The following PCDHAC1 variants were observed in gnomAD, a reference collection of about 807,000 sequenced individuals.
PCDHAC1 encodes protocadherin alpha-C1.
PCDHAC1 carries 42 observed loss-of-function variants against 60.0 expected under a neutral mutation model. The ratio of observed to expected loss-of-function variants is 0.70; its 90% confidence interval spans 0.55 to 0.90. PCDHAC1 has a LOEUF of 0.90. Ranked by LOEUF, PCDHAC1 falls within the 40% of genes least tolerant of loss-of-function variation. The probability of loss-of-function intolerance (pLI) is 0.00; values close to 1 mark genes in which losing one functional copy is unlikely to be tolerated. For synonymous variants in PCDHAC1, 468 were observed against 499.3 expected (o/e 0.94, Z 0.84); for missense variants, 1,160 against 1,222.3 (o/e 0.95, Z 0.76).
At chr5:140,997,849 T>C (rs1554256029) in intron 3 of PCDHAC1, among the ~76,000 whole-genome samples, 1 of 152,208 alleles carries the variant, frequency 6.6e-6, no homozygotes, top group African/African-American at 2.4e-5. Flanking sequence ...TACATTCTTA[T>C]ACATATTTCT....
At chr5:140,966,469 C>G (rs1308389710) in intron 1 of PCDHAC1, 1 of 432,506 alleles carries the variant, frequency 2.3e-6, no homozygotes, top group African/African-American at 2.0e-5. Context: ...GTCTTCCCTT[C>G]TGTTTCCTTT....
chr5:141,002,273 AC>A (rs748746747), intron 3 of PCDHAC1, among the ~76,000 whole-genome samples: 69 of 152,308 alleles, frequency 4.5e-4, no homozygotes, highest in Non-Finnish European at 9.1e-4. Flanking sequence ...AGAGCTGGTA[AC>A]AAAGGGATGA....
chr5:140,954,441 G>A (rs1411694581), intron 1 of PCDHAC1, among the ~76,000 whole-genome samples: 2 of 151,498 alleles, frequency 1.3e-5, no homozygotes, highest in Non-Finnish European at 3.0e-5. Flanking sequence ...TGTTGTTTCT[G>A]GACTTGTTAA....
chr5:140,998,066 C>T (rs1234368433), intron 3 of PCDHAC1, among the ~76,000 whole-genome samples: 2 of 152,160 alleles, frequency 1.3e-5, no homozygotes, highest in East Asian at 1.9e-4. Flanking sequence ...CATCAACAGA[C>T]TTAGCCTCTG....
At position 140,928,885 on chromosome 5, in the gene PCDHAC1, C is replaced by T; in HGVS notation, c.1993C>T (p.Pro665Ser). ...LLSNSVPQLL[P>S]DFEDVWEPGG... ...GAGCAACTCTGTCCCTCAGTTACTTCCAGACTTTGAAGATGTCTGGGAACC... is the reference window on the plus strand; with the variant it reads ...GAGCAACTCTGTCCCTCAGTTACTTTCAGACTTTGAAGATGTCTGGGAACC... The change falls in exon 1 of 4, where the codon CCA (proline) becomes TCA (serine). Residue 665 changes from proline (P) to serine (S), a missense_variant. Physicochemically the swap from Pro to Ser is moderately conservative, Grantham distance 74. This residue lies in a region of PCDHAC1 where 1,113 missense variants were observed against 1,163.7 expected (regional missense o/e 0.96). Coordinates refer to ENST00000253807, the MANE Select transcript of PCDHAC1 (RefSeq NM_018898.5). 1 of 1,614,194 alleles carries T rather than the reference C, an allele frequency of 6.2e-7. No homozygotes were observed. The highest frequency in any genetic ancestry group is 8.5e-7 in the Non-Finnish European group (1 of 1,180,038).
intron 1 of PCDHAC1, among the ~76,000 whole-genome samples, chr5:140,962,643 T>G (rs1456773642): frequency 6.6e-6 from 1 of 152,222 alleles, no homozygotes; most frequent in Non-Finnish European, 1.5e-5. Context: ...GCCATCAAGT[T>G]ATGTGAAAAC....
chr5:140,995,206 G>A (rs1179914547), intron 3 of PCDHAC1, among the ~76,000 whole-genome samples: 2 of 151,988 alleles, frequency 1.3e-5, no homozygotes, highest in African/African-American at 2.4e-5. Context: ...TATAAATTAG[G>A]CACAATACTC....
rs2098421681 is a variant in PCDHAC1, at chr5:141,011,735, A to C, written c.*1798A>C. 1 of 153,882 alleles carries C rather than the reference A, an allele frequency of 6.5e-6. No individual in the cohort carries two copies. Among genetic ancestry groups the C allele is most frequent in the South Asian group, 2.1e-4 (1 of 4,828 alleles). 9.5% of individuals were successfully genotyped at this position (153,882 alleles called of 1,614,324 possible). A position where few individuals can be genotyped will look rare whatever the true frequency, so the allele number is the denominator to read the frequency against. ...TATTCCATGAGGGTGTGCAAGCACA[A>C]ATTTTACCAATCTGACCTCTTTGAA... On this transcript the variant is annotated 3_prime_UTR_variant, in exon 4 of 4. Transcript: ENST00000253807.
Position 140,929,083 on chromosome 5 carries a change from A to G in PCDHAC1, c.2191A>G (p.Met731Val), listed in dbSNP as rs1554206659. The change falls in exon 1 of 4, where the codon ATG becomes GTG. Residue 731 changes from methionine (M) to valine (V), a missense_variant. Coordinates refer to ENST00000253807, the MANE Select transcript of PCDHAC1 (RefSeq NM_018898.5). ...AGAGGATCTGAGGTATGGAAGTAAGATGGTTTCAAATCCTTGCATGACATC... is the reference window on the plus strand; with the variant it reads ...AGAGGATCTGAGGTATGGAAGTAAGGTGGTTTCAAATCCTTGCATGACATC... Reference protein sequence around the residue: ...STEDLRYGSKMVSNPCMTSAT... With the variant: ...STEDLRYGSKVVSNPCMTSAT... The G allele has an allele frequency of 1.2e-6, 2 of 1,614,156 alleles. No individual in the cohort carries two copies. Among genetic ancestry groups the G allele is most frequent in the Admixed American group, 3.3e-5 (2 of 60,022 alleles).
At chr5:140,951,560 C>T (rs2094602519) in intron 1 of PCDHAC1, among the ~76,000 whole-genome samples, 1 of 151,998 alleles carries the variant, frequency 6.6e-6, no homozygotes. Flanking sequence ...AAGTGCTACG[C>T]ACTTTTAAAC....
At chr5:140,944,928 C>A (rs1554216614) in intron 1 of PCDHAC1, among the ~76,000 whole-genome samples, 1 of 152,074 alleles carries the variant, frequency 6.6e-6, no homozygotes, top group Non-Finnish European at 1.5e-5. Flanking sequence ...TTGGTTTATG[C>A]CTTCTTTAGA....
chr5:141,011,749 G>T lies in PCDHAC1; in HGVS notation c.*1812G>T, dbSNP rs782567787. 1.2e-4 allele frequency: 18 copies of T among 153,636 alleles called. No homozygotes were observed. Among genetic ancestry groups the T allele is most frequent in the Non-Finnish European group, 2.5e-4 (17 of 68,010 alleles). 9.5% of individuals were successfully genotyped at this position (153,636 alleles called of 1,614,324 possible). A position where few individuals can be genotyped will look rare whatever the true frequency, so the allele number is the denominator to read the frequency against. On this transcript the variant is annotated 3_prime_UTR_variant, in exon 4 of 4. Coordinates refer to ENST00000253807, the MANE Select transcript of PCDHAC1 (RefSeq NM_018898.5). ...GTGCAAGCACAAATTTTACCAATCT[G>T]ACCTCTTTGAAGTTGCAGAATGCTT...
rs782504064 is a variant in PCDHAC1, at chr5:140,926,972, C to A, written c.80C>A (p.Pro27Gln). Reference sequence around the variant, plus strand: ...GCGGGACAGCTCGAGTACTCAGTGCCGGAGGAGACGGAGCGGGGCGTAGCC... The same window carrying A: ...GCGGGACAGCTCGAGTACTCAGTGCAGGAGGAGACGGAGCGGGGCGTAGCC... ...AAAGQLEYSV[P>Q]EETERGVAVG... The change falls in exon 1 of 4, where the codon CCG (proline) becomes CAG (glutamine). Residue 27 changes from proline to glutamine, a missense_variant. Around this residue, in one of 3 missense-constraint regions of PCDHAC1, gnomAD observed 43 missense variants for 40.4 expected, o/e 1.06. Transcript: ENST00000253807. 1.2e-6 allele frequency: 2 copies of A among 1,609,464 alleles called. No individual in the cohort carries two copies.
Position 140,945,638 on chromosome 5 carries a change from A to G in PCDHAC1, c.2433+16313A>G, listed in dbSNP as rs187448798. ...CATGGTACTGGCATAAAAGACATGTAGACCAATGGAGCAGAATACAGCTCC... is the reference window on the plus strand; with the variant it reads ...CATGGTACTGGCATAAAAGACATGTGGACCAATGGAGCAGAATACAGCTCC... On this transcript the variant is annotated intron_variant, in intron 1 of 3. Transcript: ENST00000253807. 2.6e-5 allele frequency among the ~76,000 whole-genome samples: 4 copies of G among 152,300 alleles called. No homozygotes were observed. The East Asian group carries it at 5.8e-4, about 22-fold the overall frequency.
chr5:140,955,452 G>C (rs921510611), intron 1 of PCDHAC1, among the ~76,000 whole-genome samples: 3 of 152,024 alleles, frequency 2.0e-5, no homozygotes, highest in Non-Finnish European at 4.4e-5. Context: ...TTTTATAAGG[G>C]CTTTTTCCTT....
intron 1 of PCDHAC1, among the ~76,000 whole-genome samples, chr5:140,974,558 C>A (rs984567503): frequency 4.5e-4 from 68 of 152,132 alleles, no homozygotes; most frequent in African/African-American, 1.6e-3. Context: ...GTTGCCCAGG[C>A]TGGAGTGCAA....
intron 3 of PCDHAC1, among the ~76,000 whole-genome samples, chr5:140,995,211 A>G (rs529613370): frequency 2.6e-5 from 4 of 152,188 alleles, no homozygotes; most frequent in Non-Finnish European, 4.4e-5. Context: ...ATTAGGCACA[A>G]TACTCTTGTG....
intron 3 of PCDHAC1, among the ~76,000 whole-genome samples, chr5:140,986,799 CTTAG>C (rs782752084): frequency 3.9e-5 from 6 of 152,154 alleles, no homozygotes; most frequent in South Asian, 4.1e-4. Context: ...GGCAGTGAGT[CTTAG>C]TTAGAGAACT....
chr5:140,968,257 T>A (rs781932747), intron 1 of PCDHAC1: 1 of 1,614,064 alleles, frequency 6.2e-7, no homozygotes, highest in Non-Finnish European at 8.5e-7. Flanking sequence ...CAGACCCAGA[T>A]GAAAAGGAGA....
Sources: allele counts gnomAD v4.1 joint callset (sites outside exome capture counted in the v4.1 genomes callset), GRCh38; gene constraint gnomAD v4.1.1; regional missense constraint gnomAD v4.1.1; transcripts MANE v1.5; gene names NCBI Gene and HGNC (gene_info 2026-07-23, HGNC 2026-07-21).